Variants in ADGRE3 observed in about 807,000 individuals in gnomAD.
The protein encoded by ADGRE3 is EGF-like module receptor 3.
Under a neutral mutation model 80.1 loss-of-function variants are expected in ADGRE3, and 88 were observed. The ratio of observed to expected loss-of-function variants is 1.10; its 90% CI spans 0.93 to 1.31. ADGRE3 has a LOEUF of 1.31. Among genes scored for constraint, ADGRE3 ranks in the 40% most tolerant of loss-of-function variants. The pLI, the probability that ADGRE3 is intolerant of heterozygous loss-of-function variation, is 0.00. For synonymous variants in ADGRE3, 281 were observed against 294.8 expected, an observed-to-expected ratio of 0.95 and a Z score of 0.48; for missense variants, 715 against 776.5, an observed-to-expected ratio of 0.92 and a Z score of 0.94.
At chr19:14,617,357 TCTTTCTTTCTTTCTTTCTTC>T (rs1257547196), downstream of ADGRE3, among the ~76,000 whole-genome samples, 27 of 114,258 alleles carry the variant, frequency 2.4e-4, no homozygotes, top group East Asian at 5.2e-4. Context: ...TTTCTTTCTT[TCTTTCTTTCTTTCTTTCTTC>T]CTTTCTTTCT....
intron 14 of ADGRE3, chr19:14,628,730 G>A: frequency 2.7e-6 from 1 of 374,822 alleles, no homozygotes; most frequent in South Asian, 2.3e-5. Flanking sequence ...CTATGAGTTT[G>A]CCCCTGCAGA....
downstream of ADGRE3, among the ~76,000 whole-genome samples, chr19:14,615,202 C>CT (rs34167082): frequency 0.26 from 17,033 of 65,488 alleles, 2,960 homozygotes; most frequent in East Asian, 0.55. Context: ...CAGCTGCCTT[C>CT]TTTTTTTTTT....
chr19:14,670,032 A>G (rs1279026938), intron 1 of ADGRE3, among the ~76,000 whole-genome samples: 2 of 152,216 alleles, frequency 1.3e-5, no homozygotes, highest in Non-Finnish European at 1.5e-5. Flanking sequence ...TGTAATATCC[A>G]TATAACATAC....
rs1395170778 is a variant in ADGRE3, at chr19:14,619,241, A to G, written c.*192T>C. Reference sequence around the variant, plus strand: ...AGCATTGACTGAATACACCATAGTGAAGAGAAATGCAATTTACCACACATT... The same window carrying G: ...AGCATTGACTGAATACACCATAGTGGAGAGAAATGCAATTTACCACACATT... On this transcript the variant is annotated 3_prime_UTR_variant, in exon 16 of 16. Transcript: ENST00000253673. 2 of 609,176 alleles carry G rather than the reference A, an allele frequency of 3.3e-6. No homozygotes were observed. Among genetic ancestry groups the G allele is most frequent in the Admixed American group, 3.1e-5 (1 of 32,502 alleles). The allele number at this position is 609,176 out of a possible 1,614,324, so 37.7% of individuals were successfully genotyped here.
At chr19:14,636,937 T>G (rs573133553) in intron 11 of ADGRE3, among the ~76,000 whole-genome samples, 4 of 151,976 alleles carry the variant, frequency 2.6e-5, no homozygotes, top group African/African-American at 7.2e-5. Flanking sequence ...CTACTAAAAG[T>G]ACAAAAATTA....
chr19:14,665,428 T>A lies in ADGRE3; in HGVS notation c.77-1888A>T, dbSNP rs531076621. Among the ~76,000 whole-genome samples the A allele has an allele frequency of 4.6e-5, 7 of 152,168 alleles. No individual in the cohort carries two copies. The East Asian group carries it at 7.7e-4, about 17-fold the overall frequency. ...CGGGGATGGACAGTCCCAAATATGC[T>A]ACTGAAACAAGGGTGCAATTGACCG... On this transcript the variant is annotated intron_variant, in intron 2 of 15. Transcript: ENST00000253673.
At chr19:14,659,363 C>T (rs1599646129) in intron 4 of ADGRE3, among the ~76,000 whole-genome samples, 1 of 152,132 alleles carries the variant, frequency 6.6e-6, no homozygotes, top group East Asian at 1.9e-4. Context: ...TTTATTCCAT[C>T]TTGACTGGAA....
chr19:14,619,294 C>A lies in ADGRE3; in HGVS notation c.*139G>T. 2 of 709,160 alleles carry A rather than the reference C, an allele frequency of 2.8e-6. No individual in the cohort carries two copies. The highest frequency in any genetic ancestry group is 5.0e-6 in the Non-Finnish European group (2 of 403,328). The allele number at this position is 709,160 out of a possible 1,614,324, so 43.9% of individuals were successfully genotyped here. A position where few individuals can be genotyped will look rare whatever the true frequency, so the allele number is the denominator to read the frequency against. On this transcript the variant is annotated 3_prime_UTR_variant, in exon 16 of 16. Coordinates refer to ENST00000253673, the MANE Select transcript of ADGRE3 (RefSeq NM_032571.5). The stretch of plus-strand genomic sequence containing the variant: ...TTGAGAGCCTATTGTGGAGAACAAA[C>A]AGCTTGGGAAGTAAAGGTTGATTAC...
chr19:14,605,170 T>C, the ADGRE3 span, among the ~76,000 whole-genome samples: 1 of 151,786 alleles, frequency 6.6e-6, no homozygotes, highest in African/African-American at 2.4e-5. Context: ...CGATCTCAGC[T>C]CACTGCAACC....
chr19:14,615,199 C>CTTTTTTTTTTTTTTTTTTTTTTTTT (rs1227946914), downstream of ADGRE3, among the ~76,000 whole-genome samples: 1 of 91,024 alleles, frequency 1.1e-5, no homozygotes. Context: ...CTACAGCTGC[C>CTTTTTTTTTTTTTTTTTTTTTTTTT]TTCTTTTTTT....
At chr19:14,665,943 T>TATGCATACATAC (rs1338799775) in intron 2 of ADGRE3, among the ~76,000 whole-genome samples, 2 of 97,388 alleles carry the variant, frequency 2.1e-5, no homozygotes, top group African/African-American at 8.0e-5. Context: ...TGTGTATATA[T>TATGCATACATAC]ATATATATAT....
At chr19:14,641,919 T>A (rs548097604) in intron 9 of ADGRE3, among the ~76,000 whole-genome samples, 17 of 152,328 alleles carry the variant, frequency 1.1e-4, no homozygotes, top group African/African-American at 3.8e-4. Flanking sequence ...TATTGAGGTG[T>A]ATACTTAATG....
chr19:14,663,391 T>C (rs1348163374), intron 3 of ADGRE3, 27 bp downstream of exon 3: 2 of 1,333,952 alleles, frequency 1.5e-6, no homozygotes, highest in Admixed American at 2.4e-5. Context: ...AAAATAATAA[T>C]AATAAAAAAT....
In ADGRE3 at chr19:14,627,918, C is replaced by T. The variant is rs370172913; in HGVS notation, c.1812+2121G>A. 1.2e-4 allele frequency among the ~76,000 whole-genome samples: 18 copies of T among 151,920 alleles called. No individual in the cohort carries two copies. In the East Asian group the frequency reaches 1.6e-3, roughly 13 times the overall value. ...CTGAGGCAGGCAGATCACCTGAGGT[C>T]GGGAGTTCGAGACCAGCCTGACCAA... On this transcript the variant is annotated intron_variant, in intron 14 of 15. Coordinates refer to ENST00000253673, the MANE Select transcript of ADGRE3 (RefSeq NM_032571.5).
At chr19:14,626,136 ATTG>A (rs1011657380) in intron 14 of ADGRE3, among the ~76,000 whole-genome samples, 2 of 152,100 alleles carry the variant, frequency 1.3e-5, no homozygotes, top group African/African-American at 2.4e-5. Context: ...AGGGTATATA[ATTG>A]TTGTAGAAAA....
At chr19:14,671,283 A>G (rs1972249908) in intron 1 of ADGRE3, among the ~76,000 whole-genome samples, 1 of 152,182 alleles carries the variant, frequency 6.6e-6, no homozygotes, top group Non-Finnish European at 1.5e-5. Flanking sequence ...GGCTAAAATC[A>G]AGAATGTTAG....
intron 4 of ADGRE3, 37 bp from the exon 5 acceptor site, chr19:14,658,587 TGA>T (rs1398475514): frequency 6.6e-7 from 1 of 1,509,220 alleles, no homozygotes. Flanking sequence ...CTATTGGAAC[TGA>T]GAGTGACCAG....
chr19:14,627,121 T>C (rs1599605325), intron 14 of ADGRE3, among the ~76,000 whole-genome samples: 1 of 152,170 alleles, frequency 6.6e-6, no homozygotes, highest in East Asian at 1.9e-4. Flanking sequence ...GGCTGTCCTG[T>C]GTGCATTGTT....
the ADGRE3 span, among the ~76,000 whole-genome samples, chr19:14,607,379 A>AT: frequency 4.0e-5 from 6 of 149,552 alleles, no homozygotes; most frequent in Admixed American, 6.7e-5. Flanking sequence ...AATTTTTTGT[A>AT]TTTTTAGTAG....
Sources: allele counts gnomAD v4.1 joint callset (sites outside exome capture counted in the v4.1 genomes callset), GRCh38; gene constraint gnomAD v4.1.1; transcripts MANE v1.5; gene names NCBI Gene and HGNC (gene_info 2026-07-23, HGNC 2026-07-21).